Variants in EHMT1 observed in about 807,000 individuals in gnomAD.
EHMT1 encodes the protein histone-lysine N-methyltransferase EHMT1.
In EHMT1, 15 loss-of-function variants were observed where a neutral mutation model predicts 147.2. That is an observed-to-expected ratio of 0.10 (90% CI 0.07 to 0.16). EHMT1 has a LOEUF of 0.16. Ranked by LOEUF, EHMT1 falls within the 10% of genes least tolerant of loss-of-function variation. The probability of loss-of-function intolerance (pLI) is 1.00; values close to 1 mark genes in which losing one functional copy is unlikely to be tolerated. For missense variants in EHMT1, 1,587 were observed against 1,772.4 expected, an observed-to-expected ratio of 0.90 and a Z score of 1.88; for synonymous variants, 795 against 709.6, an observed-to-expected ratio of 1.12 and a Z score of -1.91.
At position 137,811,507 on chromosome 9, in the gene EHMT1, A is replaced by G. The variant is rs1381123044; in HGVS notation, c.2759A>G (p.Asp920Gly). 1 of 1,612,072 alleles carries G rather than the reference A, an allele frequency of 6.2e-7. No individual in the cohort carries two copies. The highest frequency in any genetic ancestry group is 2.2e-5 in the East Asian group (1 of 44,878). The change falls in exon 19 of 27, where the codon GAC (aspartate) becomes GGC (glycine). Residue 920 changes from aspartate to glycine, a missense_variant. Physicochemically the swap from Asp to Gly is moderately conservative, Grantham distance 94. This residue lies in a region of EHMT1 where 201 missense variants were observed against 350.1 expected (regional missense o/e 0.57). Transcript: ENST00000460843. ...TGGGCGGCGTTCTCCGGCTGCGTGG[A>G]CATAGCCGAGATCCTGCTGGCTGCC... ...LHWAAFSGCVDIAEILLAAKC... is the reference protein window; with the variant it reads ...LHWAAFSGCVGIAEILLAAKC...
rs535450474 is a variant in EHMT1 at position 137,832,271 on chromosome 9, G to C, written c.3541-2078G>C. 4.8e-5 allele frequency among the ~76,000 whole-genome samples: 7 copies of C among 144,510 alleles called. No homozygotes were observed. In the South Asian group the frequency reaches 1.1e-3, roughly 23 times the overall value. The allele number at this position is 144,510 out of a possible 152,430, so 94.8% of individuals were successfully genotyped here. A position where few individuals can be genotyped will look rare whatever the true frequency, so the allele number is the denominator to read the frequency against. On this transcript the variant is annotated intron_variant, in intron 25 of 26. Coordinates refer to ENST00000460843, the MANE Select transcript of EHMT1 (RefSeq NM_024757.5). ...TGGCTGGGCTCCCTCCTCAGGCCCCGCTTCCCACGTGGCCTCTGCACCTCG... is the reference window on the plus strand; with the variant it reads ...TGGCTGGGCTCCCTCCTCAGGCCCCCCTTCCCACGTGGCCTCTGCACCTCG...
At chr9:137,834,664 C>T (rs1956476477) in intron 26 of EHMT1, 109 bp from the exon 27 acceptor site, 3 of 1,593,526 alleles carry the variant, frequency 1.9e-6, no homozygotes, top group East Asian at 2.3e-5. Context: ...ACCTGGGATG[C>T]GGCACGGCAG....
At chr9:137,823,553 A>C (rs1955603373) in intron 25 of EHMT1, 2 of 256,386 alleles carry the variant, frequency 7.8e-6, no homozygotes, top group African/African-American at 4.9e-5. Context: ...CTGGGACTAC[A>C]GGTGCCCGCC....
At chr9:137,793,356 C>T (rs1446972875) in intron 16 of EHMT1, among the ~76,000 whole-genome samples, 1 of 152,220 alleles carries the variant, frequency 6.6e-6, no homozygotes, top group African/African-American at 2.4e-5. Context: ...CCAGCATCAC[C>T]AGCCACCAGG....
At chr9:137,703,025 A>G (rs1466023159) in intron 1 of EHMT1, among the ~76,000 whole-genome samples, 3 of 152,216 alleles carry the variant, frequency 2.0e-5, no homozygotes, top group Non-Finnish European at 2.9e-5. Flanking sequence ...GGTTAACACC[A>G]TGTAGAAGCC....
chr9:137,751,684 G>A (rs927696899), intron 6 of EHMT1, among the ~76,000 whole-genome samples: 2 of 152,182 alleles, frequency 1.3e-5, no homozygotes, highest in Non-Finnish European at 2.9e-5. Flanking sequence ...TGTCTGTTCT[G>A]GTGTGGAAAG....
intron 1 of EHMT1, among the ~76,000 whole-genome samples, chr9:137,634,072 C>CA (rs1242334546): frequency 6.6e-6 from 1 of 152,172 alleles, no homozygotes; most frequent in Non-Finnish European, 1.5e-5. Context: ...CTCGGCCTCT[C>CA]AAAGTGCTGG....
intron 1 of EHMT1, among the ~76,000 whole-genome samples, chr9:137,679,671 T>A (rs1272893346): frequency 6.6e-6 from 1 of 152,252 alleles, no homozygotes; most frequent in Non-Finnish European, 1.5e-5. Flanking sequence ...GATTTGTAGT[T>A]CTTTCCTTAT....
intron 21 of EHMT1, among the ~76,000 whole-genome samples, chr9:137,814,056 G>GCCGCCCC (rs1954715609): frequency 1.4e-4 from 7 of 50,048 alleles, no homozygotes; most frequent in Non-Finnish European, 1.7e-4. Flanking sequence ...CACTGCCCAG[G>GCCGCCCC]CCCCCCCCCC....
chr9:137,834,075 G>A, intron 25 of EHMT1: 1 of 542,620 alleles, frequency 1.8e-6, no homozygotes, highest in East Asian at 3.2e-5. Context: ...AGCCCCATGG[G>A]GACGCCGTCA....
chr9:137,834,285 C>G, intron 25 of EHMT1, 64 bp from the exon 26 acceptor site: 2 of 1,599,172 alleles, frequency 1.3e-6, no homozygotes, highest in Non-Finnish European at 1.7e-6. Flanking sequence ...CATGGCCGTA[C>G]CCGGCGAGGC....
intron 15 of EHMT1, chr9:137,784,432 G>C (rs185557680): frequency 8.4e-7 from 1 of 1,190,628 alleles, no homozygotes; most frequent in East Asian, 3.6e-5. Context: ...TTGGTCGTTC[G>C]TGCATCTTTT....
At chr9:137,834,188 G>A in intron 25 of EHMT1, 161 bp from the exon 26 acceptor site, 3 of 918,874 alleles carry the variant, frequency 3.3e-6, no homozygotes, top group Non-Finnish European at 4.9e-6. Context: ...GGCTGGCGGA[G>A]GCTCCGCACC....
chr9:137,711,085 A>G, intron 2 of EHMT1, 55 bp downstream of exon 2: 2 of 1,522,850 alleles, frequency 1.3e-6, no homozygotes, highest in Non-Finnish European at 1.8e-6. Flanking sequence ...AGACTAGAAA[A>G]CCTGCTGCTC....
At chr9:137,734,455 A>T (rs2135897260) in intron 4 of EHMT1, among the ~76,000 whole-genome samples, 1 of 152,346 alleles carries the variant, frequency 6.6e-6, no homozygotes. Flanking sequence ...GAAGCAAACA[A>T]CAAGACTGAA....
intron 15 of EHMT1, chr9:137,784,507 T>C: frequency 1.2e-6 from 1 of 831,812 alleles, no homozygotes; most frequent in Non-Finnish European, 1.5e-6. Flanking sequence ...TTCCACTTTT[T>C]GGTCGTTCTT....
At position 137,716,692 on chromosome 9, in the gene EHMT1, A is replaced by C; in HGVS notation, c.152A>C (p.Asp51Ala). 1 of 1,606,632 alleles carries C rather than the reference A, an allele frequency of 6.2e-7. No individual in the cohort carries two copies. Among genetic ancestry groups the C allele is most frequent in the Non-Finnish European group, 8.5e-7 (1 of 1,174,760 alleles). Reference sequence around the variant, plus strand: ...GCAGGAGAGGCCCACATGGCTGCGGACGGTGAGACCAATGGGTCTTGTGAA... The same window carrying C: ...GCAGGAGAGGCCCACATGGCTGCGGCCGGTGAGACCAATGGGTCTTGTGAA... ...KQAGEAHMAA[D>A]GETNGSCENS... Residue 51 changes from aspartate to alanine, a missense_variant, in exon 3 of 27, where the codon GAC becomes GCC. Asp to Ala is a moderately radical substitution (Grantham distance 126). Around this residue, in one of 7 missense-constraint regions of EHMT1, gnomAD observed 810 missense variants for 673.0 expected, o/e 1.20. Coordinates refer to ENST00000460843, the MANE Select transcript of EHMT1 (RefSeq NM_024757.5).
At chr9:137,764,827 C>CAAA (rs1950109425) in intron 10 of EHMT1, 1 of 152,012 alleles carries the variant, frequency 6.6e-6, no homozygotes, top group Non-Finnish European at 1.5e-5. Context: ...CTGTCCCCTG[C>CAAA]TTCTTCCCAT....
intron 1 of EHMT1, among the ~76,000 whole-genome samples, chr9:137,669,345 A>AGCACGTGCACTCGACTCCT (rs1564562465): frequency 1.1e-4 from 1 of 9,076 alleles, no homozygotes; most frequent in South Asian, 6.1e-3. Flanking sequence ...TGGACCCCAC[A>AGCACGTGCACTCGACTCCT]CCACCCAAGA....
Sources: allele counts gnomAD v4.1 joint callset (sites outside exome capture counted in the v4.1 genomes callset), GRCh38; gene constraint gnomAD v4.1.1; regional missense constraint gnomAD v4.1.1; transcripts MANE v1.5; gene names NCBI Gene and HGNC (gene_info 2026-07-23, HGNC 2026-07-21).